CDH13: variants seen among roughly 807,000 people sequenced by gnomAD.
CDH13 encodes cadherin 13.
Under a neutral mutation model 63.8 loss-of-function variants are expected in CDH13, and 24 were observed. The ratio of observed to expected loss-of-function variants is 0.38; its 90% CI spans 0.27 to 0.53. The LOEUF (loss-of-function observed/expected upper bound fraction) is 0.53. CDH13 is among the 20% of genes least tolerant of loss of function. The pLI is 0.85. For missense variants in CDH13, 1,049 were observed against 903.1 expected (o/e 1.16, Z -2.07); for synonymous variants, 503 against 355.3 (o/e 1.42, Z -4.67).
At chr16:83,559,189 G>A (rs2150684397) in intron 7 of CDH13, among the ~76,000 whole-genome samples, 1 of 152,320 alleles carries the variant, frequency 6.6e-6, no homozygotes, top group African/African-American at 2.4e-5. Flanking sequence ...CTGTGGGTGA[G>A]GATAGTGAAT....
At chr16:83,413,691 C>G (rs1412903525) in intron 6 of CDH13, among the ~76,000 whole-genome samples, 1 of 152,154 alleles carries the variant, frequency 6.6e-6, no homozygotes, top group Non-Finnish European at 1.5e-5. Context: ...CCGGCCTCAT[C>G]TAAATGCTGC....
chr16:83,159,176 T>G (rs868668919), intron 4 of CDH13, among the ~76,000 whole-genome samples: 19 of 152,134 alleles, frequency 1.2e-4, no homozygotes, highest in African/African-American at 4.1e-4. Flanking sequence ...ATCTGGCTTT[T>G]AAAAATACCC....
chr16:83,615,513 C>T (rs549623238), intron 8 of CDH13, among the ~76,000 whole-genome samples: 2 of 151,918 alleles, frequency 1.3e-5, no homozygotes, highest in African/African-American at 4.8e-5. Flanking sequence ...ATATGTGAGG[C>T]TTTTTTTTCC....
At chr16:83,592,056 G>A (rs967153292) in intron 7 of CDH13, among the ~76,000 whole-genome samples, 2 of 152,064 alleles carry the variant, frequency 1.3e-5, no homozygotes, top group African/African-American at 4.8e-5. Flanking sequence ...TAAGTCAACT[G>A]TCCCCTCCTT....
intron 11 of CDH13, among the ~76,000 whole-genome samples, 180 bp from the exon 12 acceptor site, chr16:83,779,788 G>C (rs58658289): frequency 6.6e-5 from 10 of 152,128 alleles, no homozygotes; most frequent in Non-Finnish European, 1.2e-4. Flanking sequence ...AGCCCAGGAG[G>C]TTGTGGCTGC....
rs985923480 is a variant in CDH13, at chr16:83,798,337, G to C, written c.*3307G>C. Reference sequence around the variant, plus strand: ...GCTCTCCAGATGATTCTGAGGAAAGGAGTCTACAATTTTCCTAGGGGGTGT... The same window carrying C: ...GCTCTCCAGATGATTCTGAGGAAAGCAGTCTACAATTTTCCTAGGGGGTGT... On this transcript the variant is annotated 3_prime_UTR_variant, in exon 14 of 14. Coordinates refer to ENST00000567109, the MANE Select transcript of CDH13 (RefSeq NM_001257.5). 3.3e-5 allele frequency: 5 copies of C among 152,202 alleles called. No individual in the cohort carries two copies. Among genetic ancestry groups the C allele is most frequent in the South Asian group, 2.1e-4 (1 of 4,832 alleles). 9.4% of individuals were successfully genotyped at this position (152,202 alleles called of 1,614,324 possible). A position where few individuals can be genotyped will look rare whatever the true frequency, so the allele number is the denominator to read the frequency against.
chr16:83,504,707 T>C (rs1236670865), intron 7 of CDH13, among the ~76,000 whole-genome samples: 6 of 152,210 alleles, frequency 3.9e-5, no homozygotes, highest in African/African-American at 1.4e-4. Context: ...ACAGAGTGGC[T>C]CAGGCCCTGT....
chr16:82,713,132 C>G (rs920515539), intron 1 of CDH13, among the ~76,000 whole-genome samples: 1 of 152,032 alleles, frequency 6.6e-6, no homozygotes, highest in Non-Finnish European at 1.5e-5. Context: ...GGAATAGCAA[C>G]TCGAAGTCAT....
intron 11 of CDH13, among the ~76,000 whole-genome samples, chr16:83,768,118 A>G (rs1179620313): frequency 2.0e-5 from 3 of 152,224 alleles, no homozygotes; most frequent in Non-Finnish European, 4.4e-5. Flanking sequence ...CTAGGGAAAT[A>G]ATCACCACTT....
chr16:82,856,119 G>C (rs1376483778), intron 1 of CDH13, among the ~76,000 whole-genome samples: 1 of 152,072 alleles, frequency 6.6e-6, no homozygotes, highest in Non-Finnish European at 1.5e-5. Context: ...GCTCACACCT[G>C]TAATCCCAGC....
intron 6 of CDH13, among the ~76,000 whole-genome samples, chr16:83,354,651 C>T (rs1201677310): frequency 6.6e-6 from 1 of 152,142 alleles, no homozygotes; most frequent in African/African-American, 2.4e-5. Context: ...ATAAAGGAGC[C>T]TACCAAGTAA....
intron 1 of CDH13, among the ~76,000 whole-genome samples, chr16:82,788,386 C>T (rs16958644): frequency 0.19 from 28,903 of 152,090 alleles, 2,911 homozygotes; most frequent in Middle Eastern, 0.26. Flanking sequence ...GCCTCCTGGA[C>T]GACCGCCCTG....
At position 83,507,639 on chromosome 16, in the gene CDH13, C is replaced by T. The variant is rs2074433106; in HGVS notation, c.960+20984C>T. ...AATGCTAGCCTTCCTGTGGGCATAGCACCCTGAATTGCCTGATCTCATCTA... is the reference window on the plus strand; with the variant it reads ...AATGCTAGCCTTCCTGTGGGCATAGTACCCTGAATTGCCTGATCTCATCTA... On this transcript the variant is annotated intron_variant, in intron 7 of 13. Coordinates refer to ENST00000567109, the MANE Select transcript of CDH13 (RefSeq NM_001257.5). Among the ~76,000 whole-genome samples, 4 of 152,314 alleles carry T rather than the reference C, an allele frequency of 2.6e-5. No homozygotes were observed. The South Asian group carries it at 6.2e-4, about 24-fold the overall frequency.
intron 1 of CDH13, among the ~76,000 whole-genome samples, chr16:82,729,851 A>T (rs564578080): frequency 6.6e-6 from 1 of 152,296 alleles, no homozygotes; most frequent in East Asian, 1.9e-4. Flanking sequence ...TCTTAGCTAG[A>T]TCTTCTGGAA....
intron 4 of CDH13, among the ~76,000 whole-genome samples, chr16:83,174,878 C>T (rs79420184): frequency 1.6e-4 from 25 of 152,044 alleles, no homozygotes; most frequent in Non-Finnish European, 2.6e-4. Flanking sequence ...CTGCCAAACA[C>T]TTTTAAACCA....
chr16:82,804,276 TAC>T (rs140828245), intron 1 of CDH13, among the ~76,000 whole-genome samples: 49,864 of 134,708 alleles, frequency 0.37, 9,397 homozygotes, highest in South Asian at 0.52. Context: ...GGGATCTTGC[TAC>T]ACACACACAC....
intron 8 of CDH13, among the ~76,000 whole-genome samples, chr16:83,614,497 G>C (rs1172149520): frequency 6.6e-6 from 1 of 152,210 alleles, no homozygotes. Flanking sequence ...CACAATCTGG[G>C]AAATGCCTTC....
chr16:83,046,961 C>G (rs961007019), intron 3 of CDH13, among the ~76,000 whole-genome samples: 2 of 152,166 alleles, frequency 1.3e-5, no homozygotes, highest in Non-Finnish European at 2.9e-5. Context: ...CTCCTGCCTC[C>G]CAGCTGTTTA....
At chr16:83,667,844 G>A (rs1160835719) in intron 8 of CDH13, among the ~76,000 whole-genome samples, 1 of 151,500 alleles carries the variant, frequency 6.6e-6, no homozygotes, top group Non-Finnish European at 1.5e-5. Context: ...TTTTTTTTTA[G>A]AGAGATGGGA....
Sources: allele counts gnomAD v4.1 joint callset (sites outside exome capture counted in the v4.1 genomes callset), GRCh38; gene constraint gnomAD v4.1.1; transcripts MANE v1.5; gene names NCBI Gene and HGNC (gene_info 2026-07-23, HGNC 2026-07-21).